Variants in NLGN1 observed in about 807,000 individuals in gnomAD.
NLGN1 encodes the protein neuroligin-1.
In NLGN1, 12 loss-of-function variants were observed where a neutral mutation model predicts 65.5. That is an observed-to-expected ratio of 0.18 (90% confidence interval 0.12 to 0.30). The LOEUF (loss-of-function observed/expected upper bound fraction) is 0.30, where lower values mean the gene tolerates loss of function less well. Among genes scored for constraint, NLGN1 ranks in the 10% least tolerant of loss-of-function variants. The probability of loss-of-function intolerance (pLI) is 1.00; values close to 1 mark genes in which losing one functional copy is unlikely to be tolerated. For synonymous variants in NLGN1, 350 were observed against 359.5 expected, an observed-to-expected ratio of 0.97 and a Z score of 0.30; for missense variants, 750 against 1,007.1, an observed-to-expected ratio of 0.74 and a Z score of 3.46.
At chr3:174,153,249 T>C (rs1688487514) in intron 4 of NLGN1, among the ~76,000 whole-genome samples, 1 of 152,136 alleles carries the variant, frequency 6.6e-6, no homozygotes, top group Non-Finnish European at 1.5e-5. Context: ...ATTGATAAAT[T>C]GTGACAGTTG....
chr3:173,676,117 G>T (rs1763137720), intron 3 of NLGN1, among the ~76,000 whole-genome samples: 1 of 151,892 alleles, frequency 6.6e-6, no homozygotes, highest in African/African-American at 2.4e-5. Context: ...GAATAAAAAA[G>T]TTAATAATAA....
rs150175790 is a variant in NLGN1, at chr3:173,679,575, A to C, written c.493+74484A>C. On this transcript the variant is annotated intron_variant, in intron 3 of 6. Transcript: ENST00000457714. ...ATGAGTTAGGTTGGAGAAGTAGACT[A>C]TACGCCAAGAGCTAATTTTCTCTAT... Among the ~76,000 whole-genome samples the C allele has an allele frequency of 1.3e-3, 192 of 152,276 alleles. 2 individuals carry two copies. The East Asian group carries it at 0.034, about 27-fold the overall frequency.
At chr3:173,596,963 A>G (rs1022507082) in intron 2 of NLGN1, among the ~76,000 whole-genome samples, 7 of 152,110 alleles carry the variant, frequency 4.6e-5, no homozygotes, top group South Asian at 2.1e-4. Context: ...CCTGACTTCT[A>G]TCATTTATTC....
chr3:173,818,100 TTATTC>T (rs1252594075), intron 4 of NLGN1, among the ~76,000 whole-genome samples: 1 of 152,214 alleles, frequency 6.6e-6, no homozygotes, highest in Non-Finnish European at 1.5e-5. Context: ...ATTCATTCAT[TTATTC>T]TTTCATTAAT....
chr3:173,718,819 A>G (rs1178326278), intron 3 of NLGN1, among the ~76,000 whole-genome samples: 1 of 152,236 alleles, frequency 6.6e-6, no homozygotes, highest in African/African-American at 2.4e-5. Flanking sequence ...ATAATTACCA[A>G]AAATGTTTAT....
chr3:174,135,680 AGGAT>A (rs528677370), intron 4 of NLGN1, among the ~76,000 whole-genome samples: 212 of 152,302 alleles, frequency 1.4e-3, no homozygotes, highest in African/African-American at 4.9e-3. Context: ...CAGGGAATAC[AGGAT>A]CCAGTGCTGG....
intron 4 of NLGN1, among the ~76,000 whole-genome samples, chr3:173,899,332 C>T (rs1181222906): frequency 1.3e-5 from 2 of 152,072 alleles, no homozygotes; most frequent in Admixed American, 6.6e-5. Context: ...TTCAGACTGA[C>T]TTGCATTAGT....
intron 4 of NLGN1, among the ~76,000 whole-genome samples, chr3:173,946,858 T>C (rs747176776): frequency 6.6e-6 from 1 of 152,170 alleles, no homozygotes; most frequent in Non-Finnish European, 1.5e-5. Flanking sequence ...GGTCATTTCA[T>C]TGAGACAAGA....
chr3:174,057,130 G>A (rs73880327), intron 4 of NLGN1, among the ~76,000 whole-genome samples: 1 of 150,164 alleles, frequency 6.7e-6, no homozygotes, highest in African/African-American at 2.4e-5. Context: ...AGACTGAGGG[G>A]AAAAAAAAAG....
chr3:173,971,858 T>G (rs918049485), intron 4 of NLGN1, among the ~76,000 whole-genome samples: 9 of 152,046 alleles, frequency 5.9e-5, no homozygotes, highest in Admixed American at 2.0e-4. Context: ...AACTGAGAAC[T>G]GTTATACAGT....
At chr3:173,543,262 T>C (rs567023343) in intron 2 of NLGN1, among the ~76,000 whole-genome samples, 50 of 152,172 alleles carry the variant, frequency 3.3e-4, no homozygotes, top group Non-Finnish European at 6.3e-4. Context: ...TTTCTACTTT[T>C]GTCTATTAGC....
At chr3:173,507,794 C>T (rs1732270132) in intron 2 of NLGN1, among the ~76,000 whole-genome samples, 1 of 151,884 alleles carries the variant, frequency 6.6e-6, no homozygotes, top group East Asian at 1.9e-4. Flanking sequence ...TGTTAGAATA[C>T]AAAAAAATGC....
intron 4 of NLGN1, among the ~76,000 whole-genome samples, chr3:174,242,091 C>A (rs1353501714): frequency 6.6e-6 from 1 of 152,154 alleles, no homozygotes; most frequent in African/African-American, 2.4e-5. Flanking sequence ...GTCAGAGAAT[C>A]TGGGTTCAAA....
chr3:173,657,762 G>T (rs1260816366), intron 3 of NLGN1, among the ~76,000 whole-genome samples: 1 of 151,908 alleles, frequency 6.6e-6, no homozygotes, highest in Non-Finnish European at 1.5e-5. Flanking sequence ...ATGGAAGAAA[G>T]AAGGAAGAGG....
chr3:173,566,433 G>T (rs143974339), intron 2 of NLGN1, among the ~76,000 whole-genome samples: 73 of 152,102 alleles, frequency 4.8e-4, no homozygotes, highest in Non-Finnish European at 7.9e-4. Flanking sequence ...ACAATGATTT[G>T]GGAATTAAAT....
At chr3:173,838,670 G>T (rs367750398) in intron 4 of NLGN1, among the ~76,000 whole-genome samples, 29 of 152,234 alleles carry the variant, frequency 1.9e-4, no homozygotes, top group South Asian at 1.2e-3. Flanking sequence ...AATCACTGCT[G>T]CTTTTGTATG....
chr3:174,018,683 G>A (rs759222235), intron 4 of NLGN1, among the ~76,000 whole-genome samples: 1 of 152,040 alleles, frequency 6.6e-6, no homozygotes, highest in South Asian at 2.1e-4. Context: ...CATACACAAG[G>A]GTGCTGCCTT....
intron 4 of NLGN1, among the ~76,000 whole-genome samples, chr3:174,036,959 T>C (rs1177790017): frequency 6.6e-6 from 1 of 152,158 alleles, no homozygotes; most frequent in Non-Finnish European, 1.5e-5. Flanking sequence ...TGCATAGTAT[T>C]CTAAGGTGTA....
chr3:174,215,207 A>T (rs1195477201), intron 4 of NLGN1, among the ~76,000 whole-genome samples: 1 of 152,160 alleles, frequency 6.6e-6, no homozygotes, highest in Non-Finnish European at 1.5e-5. Context: ...CAGTTCAGAA[A>T]TTCAATAATC....
Sources: gnomAD v4.1 joint callset for allele counts (sites outside exome capture counted in the v4.1 genomes callset) on GRCh38, gnomAD v4.1.1 for gene constraint, MANE v1.5 for transcripts, NCBI Gene and HGNC (gene_info 2026-07-23, HGNC 2026-07-21) for gene names.